NCOA1: variants seen among roughly 807,000 people sequenced by gnomAD.
The protein encoded by NCOA1 is Hin-2 protein.
A neutral mutation model predicts 150.9 loss-of-function variants in NCOA1; 35 were observed. The ratio of observed to expected loss-of-function variants is 0.23; its 90% CI spans 0.18 to 0.31. The LOEUF (loss-of-function observed/expected upper bound fraction) is 0.31, where lower values mean the gene tolerates loss of function less well. Among genes scored for constraint, NCOA1 ranks in the 10% least tolerant of loss-of-function variants. NCOA1 has a pLI of 1.00. For synonymous variants in NCOA1, 590 were observed against 630.0 expected (o/e 0.94, Z 0.95); for missense variants, 1,491 against 1,749.3 (o/e 0.85, Z 2.63).
chr2:24,589,746 G>A (rs944884014), intron 3 of NCOA1, among the ~76,000 whole-genome samples: 1 of 152,114 alleles, frequency 6.6e-6, no homozygotes, highest in Non-Finnish European at 1.5e-5. Flanking sequence ...TACAGTCTTA[G>A]TGGGAAGTGA....
chr2:24,519,477 G>A (rs7568310), intron 1 of NCOA1, among the ~76,000 whole-genome samples: 127,382 of 151,386 alleles, frequency 0.84, 54,429 homozygotes, highest in East Asian at 0.99. Context: ...AAATCATTGA[G>A]TTGTACAAGT....
In NCOA1 at chr2:24,500,216, C is replaced by G. The variant is rs367938679; in HGVS notation, c.-396+8614C>G. On this transcript the variant is annotated intron_variant, in intron 1 of 22. Transcript: ENST00000348332. ...CTCCACCTCCCAGGTTCAAGTGATT[C>G]TCCTGCCTCAGATTCCCTAGTAGCT... Among the ~76,000 whole-genome samples, 34 of 152,282 alleles carry G rather than the reference C, an allele frequency of 2.2e-4. No homozygotes were observed. The South Asian group carries it at 7.0e-3, about 32-fold the overall frequency.
intron 20 of NCOA1, 39 bp from the exon 21 acceptor site, chr2:24,757,934 G>T (rs1664582773): frequency 1.2e-6 from 2 of 1,601,472 alleles, no homozygotes; most frequent in South Asian, 2.2e-5. Context: ...CCTTGTTCAT[G>T]ATCAGTGGAT....
chr2:24,762,608 A>T, intron 21 of NCOA1, 79 bp from the exon 22 acceptor site: 1 of 1,228,906 alleles, frequency 8.1e-7, no homozygotes, highest in Non-Finnish European at 1.2e-6. Flanking sequence ...TCTGTCAGTG[A>T]GATTGTTTTT....
intron 3 of NCOA1, among the ~76,000 whole-genome samples, chr2:24,615,606 G>A (rs1279483567): frequency 1.3e-5 from 2 of 152,292 alleles, no homozygotes; most frequent in Non-Finnish European, 2.9e-5. Context: ...TGTCAATGTT[G>A]AGAATCTAAC....
chr2:24,692,985 C>G (rs6735735), intron 9 of NCOA1, among the ~76,000 whole-genome samples: 1 of 152,140 alleles, frequency 6.6e-6, no homozygotes, highest in African/African-American at 2.4e-5. Flanking sequence ...CTCAGCCTCC[C>G]GAGTAGCGGG....
intron 2 of NCOA1, among the ~76,000 whole-genome samples, chr2:24,582,016 A>G (rs1052335311): frequency 3.3e-5 from 5 of 152,208 alleles, no homozygotes; most frequent in African/African-American, 9.6e-5. Flanking sequence ...AATGGGGAAA[A>G]GTTGAAAGTT....
At chr2:24,587,777 A>G (rs1232182001) in intron 3 of NCOA1, among the ~76,000 whole-genome samples, 1 of 152,188 alleles carries the variant, frequency 6.6e-6, no homozygotes, top group Admixed American at 6.5e-5. Context: ...AAAGGTCACA[A>G]TCAGTGGTTG....
At chr2:24,511,904 A>AT (rs1250374344) in intron 1 of NCOA1, among the ~76,000 whole-genome samples, 7 of 151,244 alleles carry the variant, frequency 4.6e-5, no homozygotes, top group East Asian at 1.9e-4. Flanking sequence ...TTAGATCCCA[A>AT]TTTTTTTTTA....
intron 4 of NCOA1, among the ~76,000 whole-genome samples, chr2:24,644,624 T>G (rs1039379282): frequency 1.3e-5 from 2 of 152,028 alleles, no homozygotes; most frequent in Admixed American, 1.3e-4. Context: ...GCTAGCTGAA[T>G]AGAACCAGTA....
intron 3 of NCOA1, among the ~76,000 whole-genome samples, chr2:24,638,340 CTG>C (rs1670035271): frequency 6.6e-6 from 1 of 151,970 alleles, no homozygotes; most frequent in African/African-American, 2.4e-5. Context: ...GAATAGTACT[CTG>C]TTGTGTATCT....
chr2:24,510,672 A>C (rs1663898494), intron 1 of NCOA1, among the ~76,000 whole-genome samples: 1 of 151,694 alleles, frequency 6.6e-6, no homozygotes, highest in Non-Finnish European at 1.5e-5. Context: ...TTTTCGGTAA[A>C]CTTTGGTAAT....
At chr2:24,616,823 A>G (rs2148398446) in intron 3 of NCOA1, among the ~76,000 whole-genome samples, 1 of 152,310 alleles carries the variant, frequency 6.6e-6, no homozygotes, top group African/African-American at 2.4e-5. Flanking sequence ...TTGTTAGGGG[A>G]CTTAAGCTCT....
Position 24,752,154 on chromosome 2 carries a change from C to G in NCOA1, c.3879C>G (p.Asn1293Lys), listed in dbSNP as rs746001349. ...GGCAGCAAGGAGCGATAGGAAACAA[C>G]AAGTAAGGGGGCAGTTTTTATATAT... ...KAWQQGAIGN[N>K]NVFSQAVQNQ... The change falls in exon 20 of 23, where the codon AAC (asparagine) becomes AAG (lysine). Residue 1293 changes from asparagine to lysine, a missense_variant and splice_region_variant. Around this residue, in one of 8 missense-constraint regions of NCOA1, gnomAD observed 485 missense variants for 522.8 expected, o/e 0.93. Transcript: ENST00000348332. The G allele has an allele frequency of 1.3e-5, 21 of 1,613,440 alleles. No homozygotes were observed. The highest frequency in any genetic ancestry group is 8.5e-7 in the Non-Finnish European group (1 of 1,179,748).
At chr2:24,659,451 A>C (rs1671085116) in intron 5 of NCOA1, among the ~76,000 whole-genome samples, 2 of 152,214 alleles carry the variant, frequency 1.3e-5, no homozygotes, top group Non-Finnish European at 2.9e-5. Context: ...AGACCCTCAC[A>C]AATGCCAGAT....
At chr2:24,501,095 G>C (rs1015710702) in intron 1 of NCOA1, among the ~76,000 whole-genome samples, 4 of 152,122 alleles carry the variant, frequency 2.6e-5, no homozygotes, top group African/African-American at 9.7e-5. Context: ...TAGTTTATAA[G>C]AACAACTGAT....
chr2:24,628,339 G>A (rs945625172), intron 3 of NCOA1, among the ~76,000 whole-genome samples: 3 of 151,116 alleles, frequency 2.0e-5, no homozygotes, highest in East Asian at 1.9e-4. Context: ...ACCCCACCTC[G>A]TGCCATTATT....
At chr2:24,701,642 C>G (rs1673167519) in intron 11 of NCOA1, among the ~76,000 whole-genome samples, 1 of 152,138 alleles carries the variant, frequency 6.6e-6, no homozygotes, top group Non-Finnish European at 1.5e-5. Context: ...GATGGAATTA[C>G]AAATGACTTG....
At chr2:24,501,045 G>C (rs1663439923) in intron 1 of NCOA1, among the ~76,000 whole-genome samples, 1 of 152,120 alleles carries the variant, frequency 6.6e-6, no homozygotes, top group African/African-American at 2.4e-5. Context: ...GTGATTTTGA[G>C]CCCATCTGCT....
Sources: allele counts gnomAD v4.1 joint callset (sites outside exome capture counted in the v4.1 genomes callset), GRCh38; gene constraint gnomAD v4.1.1; regional missense constraint gnomAD v4.1.1; transcripts MANE v1.5; gene names NCBI Gene and HGNC (gene_info 2026-07-23, HGNC 2026-07-21).